ASTN2: variants seen among roughly 807,000 people sequenced by gnomAD.
ASTN2 encodes astrotactin-2.
In ASTN2, 54 loss-of-function variants were observed where a neutral mutation model predicts 139.8. That is an observed-to-expected ratio of 0.39 (90% CI 0.31 to 0.48). The LOEUF (loss-of-function observed/expected upper bound fraction) is 0.48. Among genes scored for constraint, ASTN2 ranks in the 20% least tolerant of loss-of-function variants. The pLI is 0.95. For synonymous variants in ASTN2, 756 were observed against 719.5 expected (o/e 1.05, Z -0.81); for missense variants, 1,565 against 1,725.1 (o/e 0.91, Z 1.64).
At chr9:116,499,525 T>C (rs1261350170) in intron 19 of ASTN2, among the ~76,000 whole-genome samples, 1 of 152,192 alleles carries the variant, frequency 6.6e-6, no homozygotes, top group Admixed American at 6.6e-5. Flanking sequence ...CTCTCTATTA[T>C]AGTCCATAAC....
chr9:116,539,936 C>T (rs898146684), intron 19 of ASTN2, among the ~76,000 whole-genome samples: 1 of 151,968 alleles, frequency 6.6e-6, no homozygotes, highest in Non-Finnish European at 1.5e-5. Context: ...CAATGAGCTC[C>T]AAAAATATAA....
intron 1 of ASTN2, among the ~76,000 whole-genome samples, chr9:117,302,202 C>T (rs1834894031): frequency 6.6e-6 from 1 of 152,140 alleles, no homozygotes; most frequent in Admixed American, 6.5e-5. Context: ...TCCACCTTGT[C>T]CCCAGTGCCC....
intron 16 of ASTN2, among the ~76,000 whole-genome samples, chr9:116,681,281 C>T (rs1398606755): frequency 1.3e-5 from 2 of 152,122 alleles, no homozygotes; most frequent in African/African-American, 4.8e-5. Context: ...ACAATTGCTT[C>T]AAAGTGAATA....
chr9:117,007,940 C>T, intron 7 of ASTN2, 152 bp downstream of exon 7: 1 of 754,702 alleles, frequency 1.3e-6, no homozygotes, highest in Non-Finnish European at 1.9e-6. Context: ...AATGGCAGCA[C>T]ATACATTAGT....
At chr9:117,341,188 A>G (rs1455290885) in intron 1 of ASTN2, among the ~76,000 whole-genome samples, 1 of 152,252 alleles carries the variant, frequency 6.6e-6, no homozygotes, top group Non-Finnish European at 1.5e-5. Flanking sequence ...AAGTGAGGAC[A>G]GAAAGAAAGA....
chr9:117,258,543 C>T (rs1290842561), intron 2 of ASTN2, among the ~76,000 whole-genome samples: 2 of 152,104 alleles, frequency 1.3e-5, no homozygotes, highest in African/African-American at 4.8e-5. Flanking sequence ...GAGCGGGTGT[C>T]CCTGCTCCAT....
chr9:117,271,667 C>T (rs1255473651), intron 2 of ASTN2, among the ~76,000 whole-genome samples: 1 of 152,114 alleles, frequency 6.6e-6, no homozygotes, highest in African/African-American at 2.4e-5. Flanking sequence ...CACGGCTGTT[C>T]CAAATGGGAG....
chr9:116,784,532 T>A (rs1830310848), intron 13 of ASTN2, among the ~76,000 whole-genome samples: 1 of 152,236 alleles, frequency 6.6e-6, no homozygotes. Flanking sequence ...AACATGGGCA[T>A]GTTTTCATGG....
intron 13 of ASTN2, among the ~76,000 whole-genome samples, chr9:116,735,501 C>A (rs998158004): frequency 6.6e-6 from 1 of 152,158 alleles, no homozygotes; most frequent in Admixed American, 6.5e-5. Context: ...AGTCATTCAA[C>A]CAGCATGCAC....
intron 4 of ASTN2, among the ~76,000 whole-genome samples, chr9:117,124,380 C>A (rs1198628772): frequency 1.3e-5 from 2 of 152,044 alleles, no homozygotes; most frequent in Non-Finnish European, 2.9e-5. Context: ...ACAGTATTTG[C>A]CATAACAGGA....
chr9:116,991,954 C>A (rs1588464281), intron 7 of ASTN2, among the ~76,000 whole-genome samples: 2 of 152,162 alleles, frequency 1.3e-5, no homozygotes, highest in Admixed American at 1.3e-4. Context: ...GAGGAACACA[C>A]ATGCCCCAGA....
intron 13 of ASTN2, among the ~76,000 whole-genome samples, chr9:116,747,693 GCACACACACACACA>G (rs56265727): frequency 3.0e-4 from 45 of 148,914 alleles, no homozygotes; most frequent in South Asian, 1.3e-3. Context: ...GTGTGCATGA[GCACACACACACACA>G]CACACACACA....
rs1452049794 is a variant in ASTN2 at position 117,127,655 on chromosome 9, G to GT, written c.1168+13670dup. The stretch of plus-strand genomic sequence containing the variant: ...TCTCCCTGTGATTTCAGAAGTTAGG[G>GT]TTTTTTTTTTGTTTTGGTTTTTTTT... On this transcript the variant is annotated intron_variant, in intron 4 of 22. Transcript: ENST00000313400. Among the ~76,000 whole-genome samples the GT allele has an allele frequency of 1.1e-3, 132 of 117,558 alleles. 3 individuals are homozygous for GT. In the East Asian group the frequency reaches 0.011, roughly 10 times the overall value. 77.1% of individuals were successfully genotyped at this position (117,558 alleles called of 152,430 possible).
intron 11 of ASTN2, among the ~76,000 whole-genome samples, chr9:116,831,577 A>G (rs1588331092): frequency 6.6e-6 from 1 of 152,198 alleles, no homozygotes; most frequent in East Asian, 1.9e-4. Context: ...ATTAACAAGT[A>G]AACAAACAAA....
chr9:117,370,872 G>A (rs1186552699), intron 1 of ASTN2, among the ~76,000 whole-genome samples: 1 of 152,022 alleles, frequency 6.6e-6, no homozygotes, highest in East Asian at 1.9e-4. Context: ...ACAACTCCTG[G>A]CCTAAGCTTA....
intron 5 of ASTN2, among the ~76,000 whole-genome samples, chr9:117,057,575 T>TATGTGAAG (rs758566793): frequency 6.6e-6 from 1 of 152,208 alleles, no homozygotes; most frequent in Non-Finnish European, 1.5e-5. Flanking sequence ...TCTATGTATA[T>TATGTGAAG]ATGTGAAGAT....
In ASTN2 at chr9:117,171,631, G is replaced by A. The variant is rs573974322; in HGVS notation, c.1016-30153C>T. 2.6e-5 allele frequency among the ~76,000 whole-genome samples: 4 copies of A among 152,136 alleles called. No homozygotes were observed. In the East Asian group the frequency reaches 7.8e-4, roughly 30 times the overall value. On this transcript the variant is annotated intron_variant, in intron 3 of 22. Coordinates refer to ENST00000313400, the MANE Select transcript of ASTN2 (RefSeq NM_001365068.1). ...CCATGCTGTTCTCGTGATAGTGAGT[G>A]AGATCTCATGAGATCTGATGGTTTT...
chr9:117,123,993 A>G (rs1476873293), intron 4 of ASTN2, among the ~76,000 whole-genome samples: 1 of 152,166 alleles, frequency 6.6e-6, no homozygotes, highest in Non-Finnish European at 1.5e-5. Context: ...CACCCGAACA[A>G]TATTTGTTGA....
At chr9:116,933,979 C>CTTTTTTTTTTGTTT (rs1834987596) in intron 10 of ASTN2, among the ~76,000 whole-genome samples, 1 of 86,910 alleles carries the variant, frequency 1.2e-5, no homozygotes, top group Non-Finnish European at 2.2e-5. Context: ...AGTGTTAGTC[C>CTTTTTTTTTTGTTT]TTTTTTTTTT....
Sources: gnomAD v4.1 joint callset for allele counts (sites outside exome capture counted in the v4.1 genomes callset) on GRCh38, gnomAD v4.1.1 for gene constraint, MANE v1.5 for transcripts, NCBI Gene and HGNC (gene_info 2026-07-23, HGNC 2026-07-21) for gene names.